Variants in NAP1L1 observed in about 807,000 individuals in gnomAD.
The protein encoded by NAP1L1 is nucleosome assembly protein 1-like 1.
In NAP1L1, 9 loss-of-function variants were observed where a neutral mutation model predicts 58.9. That is an observed-to-expected ratio of 0.15 (90% CI 0.09 to 0.27). The LOEUF is 0.27. Ranked by LOEUF, NAP1L1 falls within the 10% of genes least tolerant of loss-of-function variation. The pLI, the probability that NAP1L1 is intolerant of heterozygous loss-of-function variation, is 1.00. For missense variants in NAP1L1, 302 were observed against 458.8 expected, an observed-to-expected ratio of 0.66 and a Z score of 3.12; for synonymous variants, 130 against 138.3, an observed-to-expected ratio of 0.94 and a Z score of 0.42.
intron 6 of NAP1L1, 27 bp from the exon 7 acceptor site, chr12:76,056,188 T>C: frequency 1.2e-6 from 2 of 1,600,880 alleles, no homozygotes; most frequent in Non-Finnish European, 1.7e-6. Context: ...CAAACATTAT[T>C]TAATACATAG....
chr12:76,048,462 C>T lies in NAP1L1; in HGVS notation c.1143G>A (p.Lys381=), dbSNP rs2136947851. The part of the protein sequence containing the change: ...EENDPDYDPK[K]DQNPAECKQQ ...GCTTGCACTCTGCTGGGTTTTGATCCTTCTGTTAAAGGAAAACAACAAGTC... is the reference window on the plus strand; with the variant it reads ...GCTTGCACTCTGCTGGGTTTTGATCTTTCTGTTAAAGGAAAACAACAAGTC... The change falls in exon 15 of 15, where the codon AAG becomes AAA. Residue 381 remains lysine (K), a splice_region_variant and synonymous_variant. Coordinates refer to ENST00000618691, the MANE Select transcript of NAP1L1 (RefSeq NM_004537.7). The T allele has an allele frequency of 1.2e-6, 2 of 1,613,634 alleles. No individual in the cohort carries two copies. Among genetic ancestry groups the T allele is most frequent in the Non-Finnish European group, 1.7e-6 (2 of 1,179,650 alleles).
chr12:76,074,196 C>T lies in NAP1L1; in HGVS notation c.17+7G>A, dbSNP rs1950089989. ...CTCTGAAAAAGAACCAACTCTCTGC[C>T]ACTTACTTGTCAATGTCTGCCATGT... On this transcript the variant is annotated splice_region_variant and intron_variant, in intron 2 of 14. Transcript: ENST00000618691. 1 of 1,597,496 alleles carries T rather than the reference C, an allele frequency of 6.3e-7. No individual in the cohort carries two copies. The highest frequency in any genetic ancestry group is 1.3e-5 in the African/African-American group (1 of 74,278).
At chr12:76,079,597 G>T (rs751128129) in intron 1 of NAP1L1, among the ~76,000 whole-genome samples, 1 of 151,784 alleles carries the variant, frequency 6.6e-6, no homozygotes, top group African/African-American at 2.4e-5. Flanking sequence ...AAGATAAAAA[G>T]GTCACTTTAT....
rs1565705884 is a variant in NAP1L1 at position 76,042,039 on chromosome 12, TTTAGG to T, written c.*6385_*6389del. 1 of 151,982 alleles carries T rather than the reference TTTAGG, an allele frequency of 6.6e-6. No homozygotes were observed. Among genetic ancestry groups the T allele is most frequent in the Non-Finnish European group, 1.5e-5 (1 of 68,030 alleles). The allele number at this position is 151,982 out of a possible 1,614,324, so 9.4% of individuals were successfully genotyped here. A position where few individuals can be genotyped will look rare whatever the true frequency, so the allele number is the denominator to read the frequency against. On this transcript the variant is annotated 3_prime_UTR_variant, in exon 15 of 15. Transcript: ENST00000618691. ...GATGAGATTTTCAAACCTAGCTCAC[TTTAGG>T]TTAAGGTCAATTTTTTTTTTGTTTT...
intron 6 of NAP1L1, chr12:76,057,859 A>T: frequency 6.7e-7 from 1 of 1,489,428 alleles, no homozygotes; most frequent in Non-Finnish European, 9.2e-7. Context: ...AAAACAAAAA[A>T]ACAAAGACGG....
chr12:76,084,319 C>T (rs1950528994), intron 1 of NAP1L1, among the ~76,000 whole-genome samples: 1 of 152,152 alleles, frequency 6.6e-6, no homozygotes, highest in Non-Finnish European at 1.5e-5. Context: ...GCCTCCAGGC[C>T]GCGCCAACCC....
Position 76,048,360 on chromosome 12 carries a change from G to GT in NAP1L1, c.*68dup, listed in dbSNP as rs1948670827. 6.5e-7 allele frequency: 1 copy of GT among 1,544,418 alleles called. No homozygotes were observed. The highest frequency in any genetic ancestry group is 1.4e-5 in the African/African-American group (1 of 73,080). ...CAAGAAAATACAAAAACATAAGGCTGTAAGTAAATAAGAGTTGTGTTTAGG... is the reference window on the plus strand; with the variant it reads ...CAAGAAAATACAAAAACATAAGGCTGTTAAGTAAATAAGAGTTGTGTTTAGG... On this transcript the variant is annotated 3_prime_UTR_variant, in exon 15 of 15. Coordinates refer to ENST00000618691, the MANE Select transcript of NAP1L1 (RefSeq NM_004537.7).
Position 76,042,228 on chromosome 12 carries a change from A to C in NAP1L1, c.*6201T>G, listed in dbSNP as rs2136934399. Reference sequence around the variant, plus strand: ...CAACTAGTTCAGAAATAAAGTTCTAAAACCAATTTAAAAAGTAATCCCAAT... The same window carrying C: ...CAACTAGTTCAGAAATAAAGTTCTACAACCAATTTAAAAAGTAATCCCAAT... On this transcript the variant is annotated 3_prime_UTR_variant, in exon 15 of 15. Transcript: ENST00000618691. 1 of 152,312 alleles carries C rather than the reference A, an allele frequency of 6.6e-6. No individual in the cohort carries two copies. The highest frequency in any genetic ancestry group is 1.9e-4 in the East Asian group (1 of 5,182). The allele number at this position is 152,312 out of a possible 1,614,324, so 9.4% of individuals were successfully genotyped here.
chr12:76,080,936 C>G (rs921754746), intron 1 of NAP1L1, among the ~76,000 whole-genome samples: 1 of 152,068 alleles, frequency 6.6e-6, no homozygotes, highest in Non-Finnish European at 1.5e-5. Context: ...GCCAAGCTAC[C>G]CAGTTAGCAC....
In NAP1L1 at chr12:76,048,216, G is replaced by A. The variant is rs1409905892; in HGVS notation, c.*213C>T. 11 of 481,798 alleles carry A rather than the reference G, an allele frequency of 2.3e-5. No homozygotes were observed. Among genetic ancestry groups the A allele is most frequent in the South Asian group, 2.1e-4 (5 of 24,180 alleles). 29.8% of individuals were successfully genotyped at this position (481,798 alleles called of 1,614,324 possible). ...ATTATGTAGCAATGAATGAACATGC[G>A]TGACAGAATTTGTGCATTCAACATA... On this transcript the variant is annotated 3_prime_UTR_variant, in exon 15 of 15. Transcript: ENST00000618691.
intron 4 of NAP1L1, among the ~76,000 whole-genome samples, chr12:76,064,341 A>G (rs1949560642): frequency 6.6e-6 from 1 of 152,250 alleles, no homozygotes; most frequent in African/African-American, 2.4e-5. Flanking sequence ...TGTCAGGTCA[A>G]ACAGACAACC....
chr12:76,038,857 A>G lies in NAP1L1; in HGVS notation c.*9572T>C, dbSNP rs756751607. 2.6e-5 allele frequency: 4 copies of G among 152,208 alleles called. No homozygotes were observed. Among genetic ancestry groups the G allele is most frequent in the Non-Finnish European group, 5.9e-5 (4 of 68,044 alleles). 9.4% of individuals were successfully genotyped at this position (152,208 alleles called of 1,614,324 possible). A position where few individuals can be genotyped will look rare whatever the true frequency, so the allele number is the denominator to read the frequency against. On this transcript the variant is annotated 3_prime_UTR_variant, in exon 15 of 15. Transcript: ENST00000618691. Reference sequence around the variant, plus strand: ...ACAATGAGCACCCCTTAAACATGTCAGAAACCAGAAAGTTTTTGTTTCTAA... The same window carrying G: ...ACAATGAGCACCCCTTAAACATGTCGGAAACCAGAAAGTTTTTGTTTCTAA...
chr12:76,077,797 A>G (rs938320543), intron 1 of NAP1L1, among the ~76,000 whole-genome samples: 1 of 151,970 alleles, frequency 6.6e-6, no homozygotes, highest in African/African-American at 2.4e-5. Context: ...CAGCCTGGGC[A>G]AAATGGTGAA....
At chr12:76,059,981 C>T in intron 5 of NAP1L1, 103 bp from the exon 6 acceptor site, 1 of 1,203,378 alleles carries the variant, frequency 8.3e-7, no homozygotes, top group Non-Finnish European at 1.2e-6. Context: ...AAATGCATAC[C>T]ACAACTTTAA....
Position 76,038,341 on chromosome 12 carries a change from T to A in NAP1L1, c.*10088A>T, listed in dbSNP as rs528360720. ...TGTAACTGACAGTCACTTGGGCAAA[T>A]ACCTCCATTTAAGGAACTAAATTCC... On this transcript the variant is annotated 3_prime_UTR_variant, in exon 15 of 15. Coordinates refer to ENST00000618691, the MANE Select transcript of NAP1L1 (RefSeq NM_004537.7). 8 of 152,186 alleles carry A rather than the reference T, an allele frequency of 5.3e-5. No homozygotes were observed. Among genetic ancestry groups the A allele is most frequent in the African/African-American group, 1.9e-4 (8 of 41,438 alleles). The allele number at this position is 152,186 out of a possible 1,614,324, so 9.4% of individuals were successfully genotyped here. A position where few individuals can be genotyped will look rare whatever the true frequency, so the allele number is the denominator to read the frequency against.
Position 76,044,772 on chromosome 12 carries a change from A to G in NAP1L1, c.*3657T>C, listed in dbSNP as rs1361812225. The G allele has an allele frequency of 1.3e-5, 2 of 152,252 alleles. No homozygotes were observed. Among genetic ancestry groups the G allele is most frequent in the Non-Finnish European group, 2.9e-5 (2 of 68,048 alleles). The allele number at this position is 152,252 out of a possible 1,614,324, so 9.4% of individuals were successfully genotyped here. On this transcript the variant is annotated 3_prime_UTR_variant, in exon 15 of 15. Transcript: ENST00000618691. ...CAAAGCATACTGTATTTTTGAAAATATACATCAATCAAAATTTCTTATGAA... is the reference window on the plus strand; with the variant it reads ...CAAAGCATACTGTATTTTTGAAAATGTACATCAATCAAAATTTCTTATGAA...
At chr12:76,049,560 T>C (rs1230275616) in intron 13 of NAP1L1, 196 bp downstream of exon 13, 2 of 1,533,066 alleles carry the variant, frequency 1.3e-6, no homozygotes, top group Non-Finnish European at 8.7e-7. Context: ...AATAAAAAAA[T>C]GTTGCTGAGT....
chr12:76,066,415 A>G (rs926394704), intron 4 of NAP1L1, among the ~76,000 whole-genome samples: 1 of 152,114 alleles, frequency 6.6e-6, no homozygotes, highest in African/African-American at 2.4e-5. Context: ...CATTATTTAG[A>G]ATGTCTAAAA....
Position 76,064,168 on chromosome 12 carries a change from A to G in NAP1L1, c.206+3203T>C, listed in dbSNP as rs957835054. On this transcript the variant is annotated intron_variant, in intron 4 of 14. Coordinates refer to ENST00000618691, the MANE Select transcript of NAP1L1 (RefSeq NM_004537.7). ...ATAAAAGCTGGGGGTTATTATTGTA[A>G]TATCAGACAAATAAAAATTATGACC... 2.0e-5 allele frequency among the ~76,000 whole-genome samples: 3 copies of G among 152,330 alleles called. No individual in the cohort carries two copies. In the East Asian group the frequency reaches 5.8e-4, roughly 29 times the overall value.
Sources: allele counts gnomAD v4.1 joint callset (sites outside exome capture counted in the v4.1 genomes callset), GRCh38; gene constraint gnomAD v4.1.1; transcripts MANE v1.5; gene names NCBI Gene and HGNC (gene_info 2026-07-23, HGNC 2026-07-21).